The following SNRNP70 variants were observed in gnomAD, a reference collection of about 807,000 sequenced individuals.
The protein encoded by SNRNP70 is small nuclear ribonucleoprotein U1 subunit 70.
SNRNP70 carries 8 observed loss-of-function variants against 50.5 expected under a neutral mutation model. The observed-to-expected ratio is 0.16, with a 90% CI of 0.09 to 0.29. The LOEUF (loss-of-function observed/expected upper bound fraction) is 0.29. SNRNP70 is among the 10% of genes least tolerant of loss of function. The probability of loss-of-function intolerance (pLI) is 1.00; values close to 1 mark genes in which losing one functional copy is unlikely to be tolerated. For synonymous variants in SNRNP70, 320 were observed against 252.9 expected (o/e 1.27, Z -2.52); for missense variants, 529 against 663.5 (o/e 0.80, Z 2.23).
At chr19:49,106,290 CCATT>C (rs1282124056) in intron 8 of SNRNP70, among the ~76,000 whole-genome samples, 1 of 152,186 alleles carries the variant, frequency 6.6e-6, no homozygotes, top group Non-Finnish European at 1.5e-5. Context: ...AGTTCAATTG[CCATT>C]CAAACTTTTT....
At chr19:49,087,140 A>T (rs1280727741) in intron 2 of SNRNP70, among the ~76,000 whole-genome samples, 1 of 143,654 alleles carries the variant, frequency 7.0e-6, no homozygotes, top group Non-Finnish European at 1.5e-5. Context: ...AGATCGCGCC[A>T]CTGCACTCCA....
intron 2 of SNRNP70, among the ~76,000 whole-genome samples, 170 bp from the exon 3 acceptor site, chr19:49,090,121 C>A (rs1208614942): frequency 1.4e-5 from 2 of 147,352 alleles, no homozygotes; most frequent in Non-Finnish European, 3.0e-5. Context: ...GCAGACCTTG[C>A]TTTGATCTGT....
chr19:49,093,610 C>T (rs2040475505), intron 4 of SNRNP70, among the ~76,000 whole-genome samples: 1 of 134,734 alleles, frequency 7.4e-6, no homozygotes, highest in Non-Finnish European at 1.6e-5. Flanking sequence ...ACCTGGGAGG[C>T]GGAGGTTGCA....
rs2040641180 is a variant in SNRNP70 at position 49,104,620 on chromosome 19, C to A, written c.476-14C>A. The A allele has an allele frequency of 6.5e-7, 1 of 1,549,974 alleles. No individual in the cohort carries two copies. Among genetic ancestry groups the A allele is most frequent in the East Asian group, 2.4e-5 (1 of 41,024 alleles). On this transcript the variant is annotated splice_polypyrimidine_tract_variant and intron_variant, in intron 7 of 9. Transcript: ENST00000598441. The surrounding 1 kb of genome is among the most constrained non-coding windows in gnomAD (Gnocchi z 5.4). ...GGGACTCCTCTCCCCTCCCCCTCCC[C>A]ACATCTGTTACAGCCGCTTACAAAC...
chr19:49,087,177 CAAAAAA>C (rs11398967), intron 2 of SNRNP70, among the ~76,000 whole-genome samples: 2 of 100,638 alleles, frequency 2.0e-5, no homozygotes, highest in Admixed American at 1.2e-4. Flanking sequence ...AAGACTGTCT[CAAAAAA>C]AAAAAAAAAA....
chr19:49,097,558 C>T (rs1043861681), intron 4 of SNRNP70, among the ~76,000 whole-genome samples: 1 of 152,140 alleles, frequency 6.6e-6, no homozygotes, highest in Admixed American at 6.5e-5. Context: ...TTCCTTTTCT[C>T]ATGCTCTCCC....
chr19:49,085,535 G>C lies in SNRNP70; in HGVS notation c.-112G>C, dbSNP rs1362725586. On this transcript the variant is annotated 5_prime_UTR_variant, in exon 1 of 10. Coordinates refer to ENST00000598441, the MANE Select transcript of SNRNP70 (RefSeq NM_003089.6). ...GCGACGGAATCAGACGGACGTGGAC[G>C]CCCCCGGAGTGGAAGCCGAAGCAGG... The C allele has an allele frequency of 2.2e-6, 1 of 455,772 alleles. No individual in the cohort carries two copies. The highest frequency in any genetic ancestry group is 4.4e-6 in the Non-Finnish European group (1 of 226,724). 28.2% of individuals were successfully genotyped at this position (455,772 alleles called of 1,614,324 possible).
In SNRNP70 at chr19:49,104,520, T is replaced by G; in HGVS notation, c.476-114T>G. ...GTTGCCTGGCTGTCTGTTGGGCGTG[T>G]GCGTGTGCGTGATGATGGGGACACG... On this transcript the variant is annotated intron_variant, in intron 7 of 9. Transcript: ENST00000598441. This position sits in a 1 kb window ranked among gnomAD's most constrained non-coding sequence, Gnocchi z 5.4. The G allele has an allele frequency of 2.6e-6, 2 of 782,508 alleles. No individual in the cohort carries two copies. The highest frequency in any genetic ancestry group is 2.2e-6 in the Non-Finnish European group (1 of 460,652). The allele number at this position is 782,508 out of a possible 1,614,324, so 48.5% of individuals were successfully genotyped here.
chr19:49,091,784 G>A (rs2040450592), intron 4 of SNRNP70, among the ~76,000 whole-genome samples: 1 of 152,188 alleles, frequency 6.6e-6, no homozygotes, highest in African/African-American at 2.4e-5. Context: ...ACGCTGTCTT[G>A]ATGTCCTGCC....
intron 4 of SNRNP70, among the ~76,000 whole-genome samples, chr19:49,097,086 C>T (rs1110271): frequency 0.12 from 18,259 of 151,614 alleles, 1,338 homozygotes; most frequent in East Asian, 0.21. Context: ...GACGAGATTG[C>T]GCCATTGCAC....
chr19:49,107,735 C>T lies in SNRNP70; in HGVS notation c.665+23C>T. The T allele has an allele frequency of 6.2e-7, 1 of 1,613,572 alleles. No homozygotes were observed. Among genetic ancestry groups the T allele is most frequent in the Non-Finnish European group, 8.5e-7 (1 of 1,179,852 alleles). ...GAGGTAAGATTGGGCGACCGGTGTC[C>T]TGGGGTGGGGGGCGGTCACGGGGGG... On this transcript the variant is annotated intron_variant, in intron 9 of 9. Coordinates refer to ENST00000598441, the MANE Select transcript of SNRNP70 (RefSeq NM_003089.6). This position sits in a 1 kb window ranked among gnomAD's most constrained non-coding sequence, Gnocchi z 6.0.
intron 2 of SNRNP70, among the ~76,000 whole-genome samples, chr19:49,089,618 G>A (rs983337365): frequency 4.4e-4 from 66 of 149,812 alleles, no homozygotes; most frequent in African/African-American, 1.5e-3. Flanking sequence ...AGTTTAGATA[G>A]TACTGGTCCA....
At position 49,089,943 on chromosome 19, in the gene SNRNP70, G is replaced by A. The variant is rs1033923639; in HGVS notation, c.148-348G>A. 4.6e-5 allele frequency among the ~76,000 whole-genome samples: 7 copies of A among 152,098 alleles called. No individual in the cohort carries two copies. The South Asian group carries it at 8.3e-4, about 18-fold the overall frequency. ...CTCCCAAAGTGCTGGGATTACAGGC[G>A]TGTGCACTGCACCCGGCCTTTACAC... On this transcript the variant is annotated intron_variant, in intron 2 of 9. Coordinates refer to ENST00000598441, the MANE Select transcript of SNRNP70 (RefSeq NM_003089.6).
Position 49,107,860 on chromosome 19 carries a change from G to A in SNRNP70, c.731G>A (p.Arg244Gln), listed in dbSNP as rs1250042540. The A allele has an allele frequency of 3.8e-6, 6 of 1,559,444 alleles. No homozygotes were observed. Among genetic ancestry groups the A allele is most frequent in the Non-Finnish European group, 5.2e-6 (6 of 1,152,376 alleles). The change falls in exon 10 of 10, where the codon CGG becomes CAG. Residue 244 changes from arginine (R) to glutamine (Q), a missense_variant. Transcript: ENST00000598441. The surrounding 1 kb of genome is among the most constrained non-coding windows in gnomAD (Gnocchi z 6.0). ...GACCGTGAGCGGGAGCGCAGAGAGC[G>A]GAGCCGGGAGCGAGACAAGGAGCGA... ...DRDRERERRE[R>Q]SRERDKERER...
At position 49,108,379 on chromosome 19, in the gene SNRNP70, C is replaced by T. The variant is rs1374589376; in HGVS notation, c.1250C>T (p.Ser417Phe). Residue 417 changes from serine to phenylalanine, a missense_variant, in exon 10 of 10, where the codon TCT (serine) becomes TTT (phenylalanine). Physicochemically the swap from Ser to Phe is radical, Grantham distance 155. This residue lies in a region of SNRNP70 where 327 missense variants were observed against 308.8 expected (regional missense o/e 1.06). Coordinates refer to ENST00000598441, the MANE Select transcript of SNRNP70 (RefSeq NM_003089.6). ...GACAGCCGAGACATGTACATGGAGT[C>T]TGAGGGCGGCGACGGCTACCTGGCT... Reference protein sequence around the residue: ...GNDSRDMYMESEGGDGYLAPE... With the variant: ...GNDSRDMYMEFEGGDGYLAPE... 1.2e-6 allele frequency: 2 copies of T among 1,611,502 alleles called. No homozygotes were observed. The highest frequency in any genetic ancestry group is 1.7e-6 in the Non-Finnish European group (2 of 1,178,956).
At position 49,108,263 on chromosome 19, in the gene SNRNP70, C is replaced by T; in HGVS notation, c.1134C>T (p.His378=). The part of the protein sequence containing the change: ...RDRDRDRDRE[H]KRGERGSERG... The stretch of plus-strand genomic sequence containing the variant: ...GTGACCGTGACCGTGACCGCGAGCA[C>T]AAACGGGGGGAGCGGGGCAGTGAGC... The change falls in exon 10 of 10, where the codon CAC becomes CAT. Residue 378 remains histidine, a synonymous_variant. Transcript: ENST00000598441. 1 of 1,553,144 alleles carries T rather than the reference C, an allele frequency of 6.4e-7. No individual in the cohort carries two copies. The highest frequency in any genetic ancestry group is 8.7e-7 in the Non-Finnish European group (1 of 1,149,176).
At chr19:49,092,662 G>A (rs947267549) in intron 4 of SNRNP70, among the ~76,000 whole-genome samples, 3 of 152,120 alleles carry the variant, frequency 2.0e-5, no homozygotes, top group Non-Finnish European at 4.4e-5. Context: ...ACCTGCTTCA[G>A]CCTCCCAAAG....
intron 1 of SNRNP70, 89 bp from the exon 2 acceptor site, chr19:49,086,316 G>GGAATTT: frequency 7.1e-7 from 1 of 1,416,088 alleles, no homozygotes; most frequent in Non-Finnish European, 9.5e-7. Context: ...CTTTTCTCCT[G>GGAATTT]TCTTTCTTAT....
At chr19:49,092,440 G>A (rs914470258) in intron 4 of SNRNP70, among the ~76,000 whole-genome samples, 52 of 141,550 alleles carry the variant, frequency 3.7e-4, no homozygotes, top group African/African-American at 1.3e-3. Context: ...ACGGAGTCAC[G>A]CTCTCTCAAT....
Sources: allele counts gnomAD v4.1 joint callset (sites outside exome capture counted in the v4.1 genomes callset), GRCh38; gene constraint gnomAD v4.1.1; regional missense constraint gnomAD v4.1.1; non-coding constraint Gnocchi (gnomAD v3.1); transcripts MANE v1.5; gene names NCBI Gene and HGNC (gene_info 2026-07-23, HGNC 2026-07-21).